RSF1: variants seen among roughly 807,000 people sequenced by gnomAD.
RSF1 encodes the protein remodeling and spacing factor 1.
RSF1 carries 13 observed loss-of-function variants against 145.2 expected under a neutral mutation model. That is an observed-to-expected ratio of 0.09 (90% CI 0.06 to 0.14). The LOEUF is 0.14. Ranked by LOEUF, RSF1 falls within the 10% of genes least tolerant of loss-of-function variation. The probability of loss-of-function intolerance (pLI) is 1.00; values close to 1 mark genes in which losing one functional copy is unlikely to be tolerated. For missense variants in RSF1, 1,517 were observed against 1,718.2 expected, an observed-to-expected ratio of 0.88 and a Z score of 2.07; for synonymous variants, 577 against 592.6, an observed-to-expected ratio of 0.97 and a Z score of 0.38.
chr11:77,859,927 G>C, the RSF1 span, among the ~76,000 whole-genome samples: 2 of 152,162 alleles, frequency 1.3e-5, no homozygotes, highest in African/African-American at 4.8e-5. Flanking sequence ...TGAGTATGCC[G>C]TTCACATCAT....
chr11:77,694,341 C>T (rs1362230825), intron 7 of RSF1, among the ~76,000 whole-genome samples: 1 of 151,968 alleles, frequency 6.6e-6, no homozygotes, highest in Non-Finnish European at 1.5e-5. Flanking sequence ...ACTCATGGTT[C>T]TTTTTATCAT....
intron 4 of RSF1, chr11:77,739,278 T>C (rs551685640): frequency 7.2e-5 from 11 of 152,710 alleles, no homozygotes; most frequent in African/African-American, 2.6e-4. Context: ...TGATCAATAG[T>C]AATCGTTATT....
intron 5 of RSF1, among the ~76,000 whole-genome samples, chr11:77,712,569 T>G (rs1378439618): frequency 1.3e-5 from 2 of 152,232 alleles, no homozygotes; most frequent in Admixed American, 6.5e-5. Context: ...GGGGAGATAC[T>G]TTGAAATTAT....
chr11:77,746,707 T>G (rs1948005888), intron 3 of RSF1, among the ~76,000 whole-genome samples: 2 of 152,182 alleles, frequency 1.3e-5, no homozygotes, highest in Non-Finnish European at 2.9e-5. Context: ...CAGTATCAAA[T>G]TGCTAATTTA....
At chr11:77,800,186 A>G (rs1308608402) in intron 1 of RSF1, among the ~76,000 whole-genome samples, 1 of 152,148 alleles carries the variant, frequency 6.6e-6, no homozygotes, top group Non-Finnish European at 1.5e-5. Context: ...AAATAAAAAT[A>G]AAGTTTAGGA....
At chr11:77,719,376 T>C (rs1960892689) in intron 5 of RSF1, among the ~76,000 whole-genome samples, 1 of 152,222 alleles carries the variant, frequency 6.6e-6, no homozygotes, top group Non-Finnish European at 1.5e-5. Context: ...TATCTTATTT[T>C]CATGTTAACT....
upstream of RSF1, among the ~76,000 whole-genome samples, chr11:77,822,795 T>C (rs1274971564): frequency 6.6e-6 from 1 of 152,216 alleles, no homozygotes; most frequent in African/African-American, 2.4e-5. Flanking sequence ...TAAGAAATAC[T>C]GATGTAAGAA....
At chr11:77,840,316 G>T in the RSF1 span, among the ~76,000 whole-genome samples, 1 of 152,218 alleles carries the variant, frequency 6.6e-6, no homozygotes, top group African/African-American at 2.4e-5. Context: ...ATCACCTGAG[G>T]TCAGGAGACC....
At position 77,691,204 on chromosome 11, in the gene RSF1, T is replaced by C. The variant is rs1395278430; in HGVS notation, c.2855A>G (p.Gln952Arg). 1 of 1,614,218 alleles carries C rather than the reference T, an allele frequency of 6.2e-7. No homozygotes were observed. Among genetic ancestry groups the C allele is most frequent in the Non-Finnish European group, 8.5e-7 (1 of 1,180,032 alleles). The change falls in exon 9 of 16, where the codon CAG (glutamine) becomes CGG (arginine). Residue 952 changes from glutamine (Q) to arginine (R), a missense_variant. Around this residue, in one of 12 missense-constraint regions of RSF1, gnomAD observed 29 missense variants for 102.3 expected, o/e 0.28. Coordinates refer to ENST00000308488, the MANE Select transcript of RSF1 (RefSeq NM_016578.4). Reference protein sequence around the residue: ...LLCEKLEEQLQDLDVALKKKE... With the variant: ...LLCEKLEEQLRDLDVALKKKE... ...CTTCTTTAAGGCAACATCCAAATCC[T>C]GCAACTGTTCCTCTAATTTTTCACA...
upstream of RSF1, among the ~76,000 whole-genome samples, chr11:77,825,754 C>T (rs1200858871): frequency 1.3e-5 from 2 of 151,174 alleles, no homozygotes; most frequent in African/African-American, 2.4e-5. Flanking sequence ...TGCAGTGGCA[C>T]GATCTAGGCT....
intron 3 of RSF1, among the ~76,000 whole-genome samples, chr11:77,741,433 T>C (rs960299094): frequency 4.6e-5 from 7 of 151,962 alleles, no homozygotes; most frequent in Admixed American, 1.3e-4. Context: ...GTCCCAGCTA[T>C]TTAGGGGGCT....
chr11:77,823,986 G>A (rs535929346), upstream of RSF1, among the ~76,000 whole-genome samples: 1 of 152,020 alleles, frequency 6.6e-6, no homozygotes, highest in East Asian at 1.9e-4. Flanking sequence ...CAAACAGACT[G>A]ATAAATAAAG....
rs776557404 is a variant in RSF1 at position 77,663,521 on chromosome 11, A to G, written c.*3396T>C. 1.3e-5 allele frequency: 2 copies of G among 152,196 alleles called. No homozygotes were observed. The highest frequency in any genetic ancestry group is 2.9e-5 in the Non-Finnish European group (2 of 68,016). 9.4% of individuals were successfully genotyped at this position (152,196 alleles called of 1,614,324 possible). On this transcript the variant is annotated 3_prime_UTR_variant, in exon 16 of 16. Coordinates refer to ENST00000308488, the MANE Select transcript of RSF1 (RefSeq NM_016578.4). ...TGGTTCTTGGGCAGGTCACTTTTATATATAGATTGCCAGTAGACATGAATT... is the reference window on the plus strand; with the variant it reads ...TGGTTCTTGGGCAGGTCACTTTTATGTATAGATTGCCAGTAGACATGAATT...
chr11:77,839,234 G>A, the RSF1 span, among the ~76,000 whole-genome samples: 1 of 152,090 alleles, frequency 6.6e-6, no homozygotes, highest in African/African-American at 2.4e-5. Flanking sequence ...AAACTCATGG[G>A]CTCAAGTGAT....
At chr11:77,856,507 T>C in the RSF1 span, among the ~76,000 whole-genome samples, 1 of 152,204 alleles carries the variant, frequency 6.6e-6, no homozygotes, top group Non-Finnish European at 1.5e-5. Flanking sequence ...TTTGTTAGTC[T>C]CTTCTTGCAT....
intron 7 of RSF1, among the ~76,000 whole-genome samples, chr11:77,697,808 G>T (rs1960319116): frequency 6.6e-6 from 1 of 151,408 alleles, no homozygotes. Flanking sequence ...GGGTAACTAG[G>T]GTATCCATCA....
At chr11:77,858,302 C>CTTTTTTTTTTTTTTT in the RSF1 span, among the ~76,000 whole-genome samples, 35 of 69,360 alleles carry the variant, frequency 5.0e-4, no homozygotes, top group Non-Finnish European at 6.3e-4. Context: ...TTAAGCAATT[C>CTTTTTTTTTTTTTTT]TTTTTTTTTT....
At chr11:77,706,197 C>T (rs932400939) in intron 5 of RSF1, among the ~76,000 whole-genome samples, 9 of 150,086 alleles carry the variant, frequency 6.0e-5, no homozygotes, top group Non-Finnish European at 1.0e-4. Flanking sequence ...GCTGAGATTG[C>T]CCCACTGCAC....
chr11:77,747,157 A>T, intron 2 of RSF1, 29 bp from the exon 3 acceptor site: 1 of 1,353,708 alleles, frequency 7.4e-7, no homozygotes, highest in Non-Finnish European at 1.1e-6. Context: ...ATCTTAATAC[A>T]TGAAAGCAAT....
Sources: gnomAD v4.1 joint callset for allele counts (sites outside exome capture counted in the v4.1 genomes callset) on GRCh38, gnomAD v4.1.1 for gene constraint, gnomAD v4.1.1 regional missense constraint, MANE v1.5 for transcripts, NCBI Gene and HGNC (gene_info 2026-07-23, HGNC 2026-07-21) for gene names.